Variants in L3MBTL3 observed in about 807,000 individuals in gnomAD.
L3MBTL3 encodes the protein L3MBTL histone methyl-lysine binding protein 3.
In L3MBTL3, 27 loss-of-function variants were observed where a neutral mutation model predicts 102.3. That is an observed-to-expected ratio of 0.26 (90% CI 0.19 to 0.36). The LOEUF is 0.36. Among genes scored for constraint, L3MBTL3 ranks in the 10% least tolerant of loss-of-function variants. L3MBTL3 has a pLI of 1.00. For missense variants in L3MBTL3, 798 were observed against 955.3 expected (o/e 0.84, Z 2.17); for synonymous variants, 340 against 320.9 (o/e 1.06, Z -0.64).
At chr6:130,041,459 C>T (rs538735684) in intron 2 of L3MBTL3, among the ~76,000 whole-genome samples, 1 of 152,298 alleles carries the variant, frequency 6.6e-6, no homozygotes, top group South Asian at 2.1e-4. Context: ...ACATACAGAT[C>T]ACATTGGAAA....
At position 130,078,571 on chromosome 6, in the gene L3MBTL3, A is replaced by T. The variant is rs1426596866; in HGVS notation, c.1258A>T (p.Ser420Cys). Reference protein sequence around the residue: ...ESYDYWCEASSPHIHPVGWCK... With the variant: ...ESYDYWCEASCPHIHPVGWCK... ...TGTAACTTTCAGGTGTGAAGCATCA[A>T]GTCCACATATTCATCCAGTTGGTTG... Residue 420 changes from serine (S) to cysteine (C), a missense_variant, in exon 14 of 23, where the codon AGT becomes TGT. Ser to Cys is a moderately radical substitution (Grantham distance 112, BLOSUM62 -1). Around this residue, in one of 4 missense-constraint regions of L3MBTL3, gnomAD observed 10 missense variants for 27.4 expected, o/e 0.37. Coordinates refer to ENST00000361794, the MANE Select transcript of L3MBTL3 (RefSeq NM_032438.4). 6.2e-7 allele frequency: 1 copy of T among 1,610,390 alleles called. No individual in the cohort carries two copies. The highest frequency in any genetic ancestry group is 1.7e-5 in the Admixed American group (1 of 59,832).
intron 20 of L3MBTL3, among the ~76,000 whole-genome samples, chr6:130,128,607 T>C (rs775792859): frequency 1.6e-4 from 25 of 152,156 alleles, no homozygotes; most frequent in Non-Finnish European, 2.4e-4. Context: ...CTGGGGAATA[T>C]AGTCTTCATC....
chr6:130,086,367 C>A, intron 16 of L3MBTL3, 117 bp downstream of exon 16: 1 of 681,868 alleles, frequency 1.5e-6, no homozygotes, highest in Non-Finnish European at 2.6e-6. Flanking sequence ...TAGGAATAAG[C>A]AAAATAATTG....
intron 1 of L3MBTL3, among the ~76,000 whole-genome samples, 169 bp from the exon 2 acceptor site, chr6:130,022,058 A>C (rs577190744): frequency 6.6e-6 from 1 of 152,270 alleles, no homozygotes; most frequent in East Asian, 1.9e-4. Context: ...ATCCATTTCA[A>C]CTCATCTAGA....
intron 6 of L3MBTL3, 55 bp from the exon 7 acceptor site, chr6:130,052,804 A>G (rs2114797013): frequency 6.5e-7 from 1 of 1,543,450 alleles, no homozygotes; most frequent in Non-Finnish European, 8.7e-7. Flanking sequence ...ATCAACAAGT[A>G]GATGTTTGAT....
intron 10 of L3MBTL3, among the ~76,000 whole-genome samples, chr6:130,065,794 A>G (rs1186286063): frequency 6.6e-6 from 1 of 152,214 alleles, no homozygotes; most frequent in Non-Finnish European, 1.5e-5. Flanking sequence ...TATGTATGGC[A>G]TGTGTTATAC....
At chr6:130,047,833 T>C (rs1441538576) in intron 3 of L3MBTL3, among the ~76,000 whole-genome samples, 1 of 152,202 alleles carries the variant, frequency 6.6e-6, no homozygotes, top group Admixed American at 6.5e-5. Context: ...TTTTTAAAGA[T>C]TTCTTTTTCT....
intron 22 of L3MBTL3, among the ~76,000 whole-genome samples, chr6:130,136,022 C>T (rs964720595): frequency 2.0e-5 from 3 of 152,172 alleles, no homozygotes; most frequent in African/African-American, 7.2e-5. Flanking sequence ...CTTACACATG[C>T]CACATCTCAT....
intron 10 of L3MBTL3, among the ~76,000 whole-genome samples, chr6:130,065,177 A>G (rs1191602133): frequency 6.6e-6 from 1 of 152,152 alleles, no homozygotes; most frequent in East Asian, 1.9e-4. Flanking sequence ...GAAAATATGA[A>G]AAGTCCATCA....
At chr6:130,101,151 A>G (rs1215826602) in intron 18 of L3MBTL3, among the ~76,000 whole-genome samples, 2 of 152,180 alleles carry the variant, frequency 1.3e-5, no homozygotes, top group Non-Finnish European at 2.9e-5. Flanking sequence ...GGAACAAATA[A>G]TAGAGTGGAG....
chr6:130,072,735 A>C (rs1782716408), intron 13 of L3MBTL3, among the ~76,000 whole-genome samples: 1 of 152,160 alleles, frequency 6.6e-6, no homozygotes, highest in Admixed American at 6.6e-5. Context: ...ATTTCAGTAT[A>C]TATCTTCTAA....
intron 19 of L3MBTL3, among the ~76,000 whole-genome samples, chr6:130,111,057 A>C (rs768548564): frequency 4.6e-5 from 7 of 152,044 alleles, no homozygotes; most frequent in Non-Finnish European, 1.5e-5. Flanking sequence ...TTTTTAATGC[A>C]CTTTGCCACA....
chr6:130,054,568 G>A (rs1382742033), intron 7 of L3MBTL3, among the ~76,000 whole-genome samples: 1 of 152,174 alleles, frequency 6.6e-6, no homozygotes, highest in Non-Finnish European at 1.5e-5. Context: ...TAAAACTTTG[G>A]CTTTAACAAT....
At chr6:130,065,967 G>C (rs1782220046) in intron 10 of L3MBTL3, among the ~76,000 whole-genome samples, 1 of 152,178 alleles carries the variant, frequency 6.6e-6, no homozygotes, top group South Asian at 2.1e-4. Context: ...GTGCAGGGCA[G>C]ACTGTCCACT....
At chr6:130,033,606 T>C (rs1408624012) in intron 2 of L3MBTL3, among the ~76,000 whole-genome samples, 1 of 152,214 alleles carries the variant, frequency 6.6e-6, no homozygotes, top group Non-Finnish European at 1.5e-5. Context: ...GTTTAGTTCC[T>C]TGACACCAGG....
intron 22 of L3MBTL3, among the ~76,000 whole-genome samples, chr6:130,136,328 C>T (rs1787652955): frequency 1.3e-5 from 2 of 152,148 alleles, no homozygotes; most frequent in South Asian, 4.1e-4. Context: ...CAGTCTGACA[C>T]CTCATTACCT....
At chr6:130,090,506 A>G (rs1783974959) in intron 16 of L3MBTL3, among the ~76,000 whole-genome samples, 1 of 152,222 alleles carries the variant, frequency 6.6e-6, no homozygotes. Flanking sequence ...TAACAGGCCA[A>G]TAGGAGAAGA....
At chr6:130,074,435 T>C (rs1214763191) in intron 13 of L3MBTL3, among the ~76,000 whole-genome samples, 1 of 152,208 alleles carries the variant, frequency 6.6e-6, no homozygotes, top group Non-Finnish European at 1.5e-5. Flanking sequence ...TTGACAGTTG[T>C]TAGATTTAGG....
intron 3 of L3MBTL3, among the ~76,000 whole-genome samples, chr6:130,044,415 C>T (rs979880245): frequency 2.6e-5 from 4 of 151,934 alleles, no homozygotes; most frequent in Non-Finnish European, 4.4e-5. Context: ...AAAACTGTCA[C>T]GTGGATGATG....
Sources: gnomAD v4.1 joint callset for allele counts (sites outside exome capture counted in the v4.1 genomes callset) on GRCh38, gnomAD v4.1.1 for gene constraint, gnomAD v4.1.1 regional missense constraint, MANE v1.5 for transcripts, NCBI Gene and HGNC (gene_info 2026-07-23, HGNC 2026-07-21) for gene names.